Variants in ATP6V0A1 observed in about 807,000 individuals in gnomAD.
ATP6V0A1 encodes the protein V-type proton ATPase 116 kDa subunit a 1.
Under a neutral mutation model 105.4 loss-of-function variants are expected in ATP6V0A1, and 43 were observed. The ratio of observed to expected loss-of-function variants is 0.41; its 90% confidence interval spans 0.32 to 0.53. ATP6V0A1 has a LOEUF of 0.53. Ranked by LOEUF, ATP6V0A1 falls within the 20% of genes least tolerant of loss-of-function variation. ATP6V0A1 has a pLI of 0.30. For synonymous variants in ATP6V0A1, 362 were observed against 372.8 expected (o/e 0.97, Z 0.33); for missense variants, 676 against 1,051.1 (o/e 0.64, Z 4.93).
rs192495864 is a variant in ATP6V0A1, at chr17:42,515,357, C to T, written c.2420+897C>T. On this transcript the variant is annotated intron_variant, in intron 21 of 21. Coordinates refer to ENST00000343619, the MANE Select transcript of ATP6V0A1 (RefSeq NM_001130021.3). ...TGGCACGTGCCTGTAATCCCAGCTA[C>T]TCAGGAGGCTGAGGCAGGAAAGAAT... Among the ~76,000 whole-genome samples, 23 of 151,384 alleles carry T rather than the reference C, an allele frequency of 1.5e-4. No individual in the cohort carries two copies. In the East Asian group the frequency reaches 3.5e-3, roughly 23 times the overall value.
In ATP6V0A1 at chr17:42,507,450, G is replaced by A. The variant is rs550404846; in HGVS notation, c.2005-70G>A. 484 of 1,103,114 alleles carry A rather than the reference G, an allele frequency of 4.4e-4. 1 individual carries two copies. Among genetic ancestry groups the A allele is most frequent in the African/African-American group, 6.7e-4 (43 of 64,048 alleles). The allele number at this position is 1,103,114 out of a possible 1,614,324, so 68.3% of individuals were successfully genotyped here. ...TCTGAGGTTTGTGTTACTAACCATCGCCCTTCCCACCTCACAGAATGTCAT... is the reference window on the plus strand; with the variant it reads ...TCTGAGGTTTGTGTTACTAACCATCACCCTTCCCACCTCACAGAATGTCAT... On this transcript the variant is annotated intron_variant, in intron 17 of 21. Transcript: ENST00000343619.
intron 4 of ATP6V0A1, among the ~76,000 whole-genome samples, chr17:42,469,419 C>T (rs989892698): frequency 3.4e-4 from 52 of 151,262 alleles, no homozygotes; most frequent in African/African-American, 1.1e-3. Flanking sequence ...CAACCTCCGC[C>T]TCCCGGGTTC....
chr17:42,515,930 C>T (rs561598427), intron 21 of ATP6V0A1, among the ~76,000 whole-genome samples: 82 of 152,216 alleles, frequency 5.4e-4, no homozygotes, highest in Non-Finnish European at 1.3e-4. Context: ...CCTCAGACTC[C>T]ACTTCTTTGG....
intron 4 of ATP6V0A1, 56 bp downstream of exon 4, chr17:42,468,163 C>T: frequency 1.6e-6 from 2 of 1,216,834 alleles, no homozygotes; most frequent in East Asian, 5.2e-5. Context: ...GCAGAAATTA[C>T]TTTCCTGAGC....
Position 42,516,971 on chromosome 17 carries a change from C to T in ATP6V0A1, c.2420+2511C>T, listed in dbSNP as rs181824336. ...GCAGGTGCTCTAGGATGGGTAGTGGCTGCTCTGCTTAAAAGTGGGATGCCC... is the reference window on the plus strand; with the variant it reads ...GCAGGTGCTCTAGGATGGGTAGTGGTTGCTCTGCTTAAAAGTGGGATGCCC... On this transcript the variant is annotated intron_variant, in intron 21 of 21. Coordinates refer to ENST00000343619, the MANE Select transcript of ATP6V0A1 (RefSeq NM_001130021.3). Among the ~76,000 whole-genome samples, 500 of 152,354 alleles carry T rather than the reference C, an allele frequency of 3.3e-3. 3 individuals are homozygous for T. The highest frequency in any genetic ancestry group is 5.0e-3 in the Non-Finnish European group (342 of 68,032).
intron 5 of ATP6V0A1, among the ~76,000 whole-genome samples, chr17:42,476,485 A>T (rs540352157): frequency 3.8e-4 from 58 of 152,344 alleles, no homozygotes; most frequent in African/African-American, 1.3e-3. Flanking sequence ...GCTTTTGAAG[A>T]GGATGATTGT....
chr17:42,469,424 G>A (rs1181912665), intron 4 of ATP6V0A1, among the ~76,000 whole-genome samples: 5 of 146,660 alleles, frequency 3.4e-5, no homozygotes, highest in Non-Finnish European at 6.0e-5. Context: ...TCCGCCTCCC[G>A]GGTTCAAGCC....
chr17:42,488,195 G>A lies in ATP6V0A1; in HGVS notation c.1023+828G>A, dbSNP rs575422438. Among the ~76,000 whole-genome samples the A allele has an allele frequency of 3.9e-5, 6 of 152,308 alleles. No individual in the cohort carries two copies. The South Asian group carries it at 1.2e-3, about 32-fold the overall frequency. On this transcript the variant is annotated intron_variant, in intron 10 of 21. Transcript: ENST00000343619. ...GCAGGTGGCATTTGATCAGGTCTTT[G>A]AAGAATGATAAGTTGTTGGTAAGAC...
In ATP6V0A1 at chr17:42,463,307, C is replaced by T. The variant is rs143180248; in HGVS notation, c.117+2296C>T. Among the ~76,000 whole-genome samples, 559 of 152,240 alleles carry T rather than the reference C, an allele frequency of 3.7e-3. 6 individuals carry two copies. The highest frequency in any genetic ancestry group is 0.013 in the African/African-American group (541 of 41,546). Reference sequence around the variant, plus strand: ...ACAGACGTGAGCCACCAGGCCCAGACTGAACATTTTCATCAGTCCAGAAAA... The same window carrying T: ...ACAGACGTGAGCCACCAGGCCCAGATTGAACATTTTCATCAGTCCAGAAAA... On this transcript the variant is annotated intron_variant, in intron 2 of 21. Transcript: ENST00000343619.
At position 42,508,606 on chromosome 17, in the gene ATP6V0A1, C is replaced by T. The variant is rs761795818; in HGVS notation, c.2130+17C>T. On this transcript the variant is annotated intron_variant, in intron 19 of 21. Transcript: ENST00000343619. ...GACGAAGTGGTAAGATGAAAGCTGG[C>T]GTTGCCTTCGTGTTTATCCGGGCTT... The T allele has an allele frequency of 1.1e-5, 18 of 1,613,790 alleles. No individual in the cohort carries two copies. Among genetic ancestry groups the T allele is most frequent in the Middle Eastern group, 1.6e-4 (1 of 6,082 alleles).
intron 17 of ATP6V0A1, 65 bp from the exon 18 acceptor site, chr17:42,507,455 T>A: frequency 3.3e-6 from 4 of 1,195,040 alleles, no homozygotes; most frequent in Non-Finnish European, 4.9e-6. Context: ...CCATCGCCCT[T>A]CCCACCTCAC....
At chr17:42,487,674 G>T (rs2090235260) in intron 10 of ATP6V0A1, among the ~76,000 whole-genome samples, 1 of 152,072 alleles carries the variant, frequency 6.6e-6, no homozygotes, top group Admixed American at 6.5e-5. Context: ...CTTGCAGTGA[G>T]CTGAGATTGC....
chr17:42,509,328 T>C (rs563016573), intron 19 of ATP6V0A1, among the ~76,000 whole-genome samples: 1 of 152,286 alleles, frequency 6.6e-6, no homozygotes, highest in Non-Finnish European at 1.5e-5. Context: ...CTTAGCAACA[T>C]ACACTCTTTA....
Position 42,490,546 on chromosome 17 carries a change from C to T in ATP6V0A1, c.1083C>T (p.Pro361=), listed in dbSNP as rs762138629. ...ACAGGATGCAGACAAACCAGACTCC[C>T]CCAACCTATAACAAAACCAACAAGT... ...ILNRMQTNQT[P]PTYNKTNKFT... is the part of the protein sequence containing the mutation. Residue 361 remains proline, a synonymous_variant, in exon 11 of 22, where the codon CCC becomes CCT. Coordinates refer to ENST00000343619, the MANE Select transcript of ATP6V0A1 (RefSeq NM_001130021.3). 6 of 1,613,602 alleles carry T rather than the reference C, an allele frequency of 3.7e-6. No homozygotes were observed. The East Asian group carries it at 1.3e-4, about 36-fold the overall frequency.
intron 19 of ATP6V0A1, among the ~76,000 whole-genome samples, chr17:42,508,879 T>C (rs949693637): frequency 5.3e-5 from 8 of 152,228 alleles, no homozygotes; most frequent in African/African-American, 1.9e-4. Context: ...ACTGGCATTC[T>C]TGAAGTGACT....
Position 42,470,171 on chromosome 17 carries a change from A to T in ATP6V0A1, c.376A>T (p.Thr126Ser). ...EALKRNFLELTELKFILRKTQ... is the reference protein window; with the variant it reads ...EALKRNFLELSELKFILRKTQ... ...TCTGAAGAGAAACTTCCTGGAACTGACCGAATTAAAATTTATACTTCGCAA... is the reference window on the plus strand; with the variant it reads ...TCTGAAGAGAAACTTCCTGGAACTGTCCGAATTAAAATTTATACTTCGCAA... Residue 126 changes from threonine (T) to serine (S), a missense_variant, in exon 5 of 22, where the codon ACC becomes TCC. Thr to Ser is a moderately conservative substitution (Grantham distance 58). Coordinates refer to ENST00000343619, the MANE Select transcript of ATP6V0A1 (RefSeq NM_001130021.3). 3 of 1,612,976 alleles carry T rather than the reference A, an allele frequency of 1.9e-6. No individual in the cohort carries two copies. The highest frequency in any genetic ancestry group is 2.5e-6 in the Non-Finnish European group (3 of 1,179,390).
rs1010453582 is a variant in ATP6V0A1 at position 42,480,055 on chromosome 17, T to C, written c.634-612T>C. On this transcript the variant is annotated intron_variant, in intron 7 of 21. Transcript: ENST00000343619. ...AAAAGCTCTACATGCTGTGTATGAC[T>C]ATGAGAAAATACAGGCAACCTGAGA... Among the ~76,000 whole-genome samples the C allele has an allele frequency of 3.3e-5, 5 of 152,214 alleles. No homozygotes were observed. In the East Asian group the frequency reaches 9.6e-4, roughly 29 times the overall value.
chr17:42,493,750 G>T (rs2090891577), intron 11 of ATP6V0A1, among the ~76,000 whole-genome samples: 1 of 152,102 alleles, frequency 6.6e-6, no homozygotes, highest in African/African-American at 2.4e-5. Flanking sequence ...GGGGTTGCAG[G>T]CTGCAGTGAG....
intron 5 of ATP6V0A1, among the ~76,000 whole-genome samples, chr17:42,476,245 G>A (rs1436866116): frequency 6.6e-6 from 1 of 152,142 alleles, no homozygotes; most frequent in Non-Finnish European, 1.5e-5. Flanking sequence ...CACTTCTGGT[G>A]TTGATCCTTA....
Sources: allele counts gnomAD v4.1 joint callset (sites outside exome capture counted in the v4.1 genomes callset), GRCh38; gene constraint gnomAD v4.1.1; transcripts MANE v1.5; gene names NCBI Gene and HGNC (gene_info 2026-07-23, HGNC 2026-07-21).